KHDRBS1: variants seen among roughly 807,000 people sequenced by gnomAD.
The protein encoded by KHDRBS1 is KH domain-containing, RNA-binding, signal transduction-associated protein 1.
Under a neutral mutation model 48.4 loss-of-function variants are expected in KHDRBS1, and 7 were observed. That is an observed-to-expected ratio of 0.14 (90% CI 0.08 to 0.27). The LOEUF is 0.27. Among genes scored for constraint, KHDRBS1 ranks in the 10% least tolerant of loss-of-function variants. The probability of loss-of-function intolerance (pLI) is 1.00; values close to 1 mark genes in which losing one functional copy is unlikely to be tolerated. For synonymous variants in KHDRBS1, 241 were observed against 235.8 expected, an observed-to-expected ratio of 1.02 and a Z score of -0.20; for missense variants, 458 against 601.2, an observed-to-expected ratio of 0.76 and a Z score of 2.49.
At chr1:32,041,812 A>G (rs1639287801) in intron 8 of KHDRBS1, among the ~76,000 whole-genome samples, 1 of 151,740 alleles carries the variant, frequency 6.6e-6, no homozygotes, top group African/African-American at 2.4e-5. Flanking sequence ...CTGGTCTCGA[A>G]CTCCTGACCT....
At chr1:32,060,779 C>T (rs1209803716) in exon 11 of KHDRBS1, 2 of 152,166 alleles carry the variant, frequency 1.3e-5, no homozygotes, top group Non-Finnish European at 2.9e-5. Context: ...TTTTTCTGTT[C>T]CACCTCTGTA....
chr1:32,050,180 A>G (rs540539325), intron 10 of KHDRBS1, among the ~76,000 whole-genome samples: 2 of 152,280 alleles, frequency 1.3e-5, no homozygotes, highest in South Asian at 2.1e-4. Flanking sequence ...TTGTTAGCCA[A>G]TTATATATCT....
chr1:32,028,832 G>A (rs1184859862), intron 1 of KHDRBS1, among the ~76,000 whole-genome samples: 1 of 150,604 alleles, frequency 6.6e-6, no homozygotes, highest in African/African-American at 2.4e-5. Context: ...ACTACTCTCA[G>A]TGGATCATAT....
intron 1 of KHDRBS1, among the ~76,000 whole-genome samples, chr1:32,028,133 TA>T (rs1368127347): frequency 6.6e-6 from 1 of 152,084 alleles, no homozygotes; most frequent in East Asian, 1.9e-4. Flanking sequence ...TAATAATTAA[TA>T]AATAAAAACT....
intron 10 of KHDRBS1, among the ~76,000 whole-genome samples, chr1:32,049,874 G>A (rs887676914): frequency 6.6e-6 from 1 of 151,904 alleles, no homozygotes; most frequent in Non-Finnish European, 1.5e-5. Context: ...TGTTAGCCAG[G>A]ATGGTCTCGA....
intron 1 of KHDRBS1, among the ~76,000 whole-genome samples, chr1:32,021,761 C>T (rs567172159): frequency 1.3e-5 from 2 of 151,628 alleles, no homozygotes; most frequent in African/African-American, 2.4e-5. Context: ...GGATTACAGG[C>T]GCATGACACC....
chr1:32,018,758 AAAAC>A (rs543759442), intron 1 of KHDRBS1, among the ~76,000 whole-genome samples: 11 of 150,356 alleles, frequency 7.3e-5, no homozygotes, highest in East Asian at 2.0e-4. Flanking sequence ...CTCCGTCTCA[AAAAC>A]AAACAAACAA....
intron 10 of KHDRBS1, among the ~76,000 whole-genome samples, chr1:32,051,706 G>A (rs1639424263): frequency 1.3e-5 from 2 of 152,300 alleles, no homozygotes; most frequent in African/African-American, 4.8e-5. Flanking sequence ...TTACTATTGA[G>A]GGAATACTCT....
intron 1 of KHDRBS1, among the ~76,000 whole-genome samples, chr1:32,025,264 CAAAA>C (rs780420929): frequency 1.8e-5 from 1 of 56,292 alleles, no homozygotes. Flanking sequence ...GACCCTATCT[CAAAA>C]AAAAAAAAAA....
intron 10 of KHDRBS1, among the ~76,000 whole-genome samples, chr1:32,056,216 C>T (rs1639478169): frequency 6.7e-6 from 1 of 149,690 alleles, no homozygotes; most frequent in Non-Finnish European, 1.5e-5. Flanking sequence ...CTCATGTACA[C>T]AAGCTAACCC....
At chr1:32,023,416 T>G (rs1638900184) in intron 1 of KHDRBS1, among the ~76,000 whole-genome samples, 1 of 152,168 alleles carries the variant, frequency 6.6e-6, no homozygotes, top group Non-Finnish European at 1.5e-5. Context: ...ATAATACTGG[T>G]TACAAAGACA....
At chr1:32,037,565 C>T (rs1447811595) in intron 5 of KHDRBS1, among the ~76,000 whole-genome samples, 1 of 152,130 alleles carries the variant, frequency 6.6e-6, no homozygotes, top group Non-Finnish European at 1.5e-5. Context: ...AATGGTCTGA[C>T]TTTAAAATTC....
intron 8 of KHDRBS1, among the ~76,000 whole-genome samples, chr1:32,041,697 C>T (rs921502535): frequency 7.1e-6 from 1 of 140,192 alleles, no homozygotes; most frequent in African/African-American, 2.6e-5. Flanking sequence ...TCAAGCACTT[C>T]TCCTGCCTCA....
At chr1:32,039,710 A>C in intron 8 of KHDRBS1, 137 bp downstream of exon 8, 1 of 657,302 alleles carries the variant, frequency 1.5e-6, no homozygotes, top group Non-Finnish European at 2.8e-6. Context: ...TAGATGTGAC[A>C]GTAAGAGTTC....
chr1:32,023,716 C>T (rs749634273), intron 1 of KHDRBS1, among the ~76,000 whole-genome samples: 27 of 151,980 alleles, frequency 1.8e-4, no homozygotes, highest in Non-Finnish European at 3.5e-4. Context: ...TCTAGCTCTC[C>T]GGGGAAAGCA....
intron 10 of KHDRBS1, among the ~76,000 whole-genome samples, chr1:32,050,025 A>G (rs1468211876): frequency 6.6e-6 from 1 of 152,174 alleles, no homozygotes; most frequent in Non-Finnish European, 1.5e-5. Context: ...TCCTACCAGC[A>G]ACATATGAGG....
chr1:32,025,897 A>G (rs941588352), intron 1 of KHDRBS1, among the ~76,000 whole-genome samples: 4 of 148,980 alleles, frequency 2.7e-5, no homozygotes, highest in African/African-American at 1.0e-4. Context: ...GGCAGGTACC[A>G]CTACACCCAG....
At chr1:32,023,469 T>G (rs1638901119) in intron 1 of KHDRBS1, among the ~76,000 whole-genome samples, 1 of 152,156 alleles carries the variant, frequency 6.6e-6, no homozygotes, top group Non-Finnish European at 1.5e-5. Flanking sequence ...ATAGAAGGCA[T>G]TGGATAAGAT....
intron 10 of KHDRBS1, among the ~76,000 whole-genome samples, chr1:32,059,557 A>T (rs1476047293): frequency 6.6e-6 from 1 of 151,448 alleles, no homozygotes; most frequent in African/African-American, 2.4e-5. Context: ...AAAAAAAAGA[A>T]GAAGAAGAAG....
Sources: allele counts gnomAD v4.1 joint callset (sites outside exome capture counted in the v4.1 genomes callset), GRCh38; gene constraint gnomAD v4.1.1; transcripts MANE v1.5; gene names NCBI Gene and HGNC (gene_info 2026-07-23, HGNC 2026-07-21).